The following ATXN7L3B variants were observed in gnomAD, a reference collection of about 807,000 sequenced individuals.
ATXN7L3B encodes ataxin-7-like protein 3B.
In ATXN7L3B, 4 loss-of-function variants were observed where a neutral mutation model predicts 6.3. The observed-to-expected ratio is 0.63, with a 90% confidence interval of 0.31 to 1.45. The LOEUF is 1.45. Ranked by LOEUF, ATXN7L3B falls within the 40% of genes most tolerant of loss-of-function variation. The probability of loss-of-function intolerance (pLI) is 0.07; values close to 1 mark genes in which losing one functional copy is unlikely to be tolerated. For synonymous variants in ATXN7L3B, 63 were observed against 48.0 expected (o/e 1.31, Z -1.29); for missense variants, 120 against 118.5 (o/e 1.01, Z -0.06).
rs1868926521 is a variant in ATXN7L3B, at chr12:74,542,654, C to T, written c.*4248C>T. The T allele has an allele frequency of 6.6e-6, 1 of 151,718 alleles. No homozygotes were observed. The highest frequency in any genetic ancestry group is 2.4e-5 in the African/African-American group (1 of 41,338). 9.4% of individuals were successfully genotyped at this position (151,718 alleles called of 1,614,324 possible). A position where few individuals can be genotyped will look rare whatever the true frequency, so the allele number is the denominator to read the frequency against. On this transcript the variant is annotated 3_prime_UTR_variant, in exon 1 of 1. Transcript: ENST00000519948. ...TTAACTACAGCATGTACCATCAGGT[C>T]AAGAATCTGATAAATGATTGCTTGA...
Position 74,539,327 on chromosome 12 carries a change from A to T in ATXN7L3B, c.*921A>T, listed in dbSNP as rs1868819849. 6.0e-6 allele frequency: 1 copy of T among 167,014 alleles called. No individual in the cohort carries two copies. The highest frequency in any genetic ancestry group is 6.6e-5 in the Admixed American group (1 of 15,256). The allele number at this position is 167,014 out of a possible 1,614,324, so 10.3% of individuals were successfully genotyped here. A position where few individuals can be genotyped will look rare whatever the true frequency, so the allele number is the denominator to read the frequency against. On this transcript the variant is annotated 3_prime_UTR_variant, in exon 1 of 1. Coordinates refer to ENST00000519948, the MANE Select transcript of ATXN7L3B (RefSeq NM_001136262.2). ...GTTACCTAGCCAGTCCATGGGTGTG[A>T]CTTGGTCCTTAAGTCAGGTCACTAT...
Position 74,539,237 on chromosome 12 carries a change from G to T in ATXN7L3B, c.*831G>T, listed in dbSNP as rs971304128. ...TGATTTCTCAAACTTCAAGATTCATGTCTGGATGTATTATGCTGTGGATAT... is the reference window on the plus strand; with the variant it reads ...TGATTTCTCAAACTTCAAGATTCATTTCTGGATGTATTATGCTGTGGATAT... On this transcript the variant is annotated 3_prime_UTR_variant, in exon 1 of 1. Transcript: ENST00000519948. The T allele has an allele frequency of 6.0e-6, 1 of 167,158 alleles. No homozygotes were observed. The highest frequency in any genetic ancestry group is 2.4e-5 in the African/African-American group (1 of 41,456). The allele number at this position is 167,158 out of a possible 1,614,324, so 10.4% of individuals were successfully genotyped here.
rs1868989307 is a variant in ATXN7L3B at position 74,545,073 on chromosome 12, C to A, written c.*6667C>A. 6.6e-6 allele frequency: 1 copy of A among 151,962 alleles called. No homozygotes were observed. The highest frequency in any genetic ancestry group is 2.4e-5 in the African/African-American group (1 of 41,416). 9.4% of individuals were successfully genotyped at this position (151,962 alleles called of 1,614,324 possible). On this transcript the variant is annotated 3_prime_UTR_variant, in exon 1 of 1. Coordinates refer to ENST00000519948, the MANE Select transcript of ATXN7L3B (RefSeq NM_001136262.2). ...TGGTGATGACATCAACTCTGAAAGG[C>A]ATATGGAGCAATTAAAACACTTAAA... is the stretch of plus-strand genomic sequence containing the variant.
In ATXN7L3B at chr12:74,541,497, T is replaced by C. The variant is rs1868898687; in HGVS notation, c.*3091T>C. The stretch of plus-strand genomic sequence containing the variant: ...TGTATATTCATCTTTTAAAGCTGTA[T>C]GTTTTCAGGCATTGACATAATGAGA... On this transcript the variant is annotated 3_prime_UTR_variant, in exon 1 of 1. Coordinates refer to ENST00000519948, the MANE Select transcript of ATXN7L3B (RefSeq NM_001136262.2). 1 of 162,876 alleles carries C rather than the reference T, an allele frequency of 6.1e-6. No homozygotes were observed. Among genetic ancestry groups the C allele is most frequent in the African/African-American group, 2.4e-5 (1 of 41,454 alleles). 10.1% of individuals were successfully genotyped at this position (162,876 alleles called of 1,614,324 possible).
Position 74,538,451 on chromosome 12 carries a change from T to C in ATXN7L3B, c.*45T>C. On this transcript the variant is annotated 3_prime_UTR_variant, in exon 1 of 1. Coordinates refer to ENST00000519948, the MANE Select transcript of ATXN7L3B (RefSeq NM_001136262.2). ...AAGTGGCCAGGACAATAACATAGAC[T>C]GGTCCTGTGGCTTCGAGGAGTAAGC... 1 of 1,484,704 alleles carries C rather than the reference T, an allele frequency of 6.7e-7. No individual in the cohort carries two copies. The highest frequency in any genetic ancestry group is 9.0e-7 in the Non-Finnish European group (1 of 1,107,126). 92.0% of individuals were successfully genotyped at this position (1,484,704 alleles called of 1,614,324 possible).
rs1247874134 is a variant in ATXN7L3B at position 74,540,106 on chromosome 12, T to C, written c.*1700T>C. On this transcript the variant is annotated 3_prime_UTR_variant, in exon 1 of 1. Coordinates refer to ENST00000519948, the MANE Select transcript of ATXN7L3B (RefSeq NM_001136262.2). ...TTTTTCTTTCTTTTTCCCTTGTTTT[T>C]GTAGAAGACTCAGAGGAGAATCTTT... 1 of 166,404 alleles carries C rather than the reference T, an allele frequency of 6.0e-6. No homozygotes were observed. Among genetic ancestry groups the C allele is most frequent in the Non-Finnish European group, 1.5e-5 (1 of 68,124 alleles). The allele number at this position is 166,404 out of a possible 1,614,324, so 10.3% of individuals were successfully genotyped here.
chr12:74,544,766 G>A lies in ATXN7L3B; in HGVS notation c.*6360G>A, dbSNP rs529379295. On this transcript the variant is annotated 3_prime_UTR_variant, in exon 1 of 1. Transcript: ENST00000519948. ...CAAAACATAGAGAAAAGATTGATGT[G>A]TTCGACCATAATAAAAATAGAACTT... The A allele has an allele frequency of 9.2e-5, 14 of 152,056 alleles. 1 individual carries two copies. In the South Asian group the frequency reaches 2.9e-3, roughly 31 times the overall value. 9.4% of individuals were successfully genotyped at this position (152,056 alleles called of 1,614,324 possible).
rs946563262 is a variant in ATXN7L3B, at chr12:74,541,793, A to G, written c.*3387A>G. 2.6e-5 allele frequency: 4 copies of G among 152,200 alleles called. No homozygotes were observed. Among genetic ancestry groups the G allele is most frequent in the Admixed American group, 2.6e-4 (4 of 15,280 alleles). The allele number at this position is 152,200 out of a possible 1,614,324, so 9.4% of individuals were successfully genotyped here. A position where few individuals can be genotyped will look rare whatever the true frequency, so the allele number is the denominator to read the frequency against. ...TATATCTTAGTAAGTACATTTTACC[A>G]TCATTTTAAGCTAATATCCTTGTTC... On this transcript the variant is annotated 3_prime_UTR_variant, in exon 1 of 1. Transcript: ENST00000519948.
chr12:74,538,555 G>C lies in ATXN7L3B; in HGVS notation c.*149G>C. 1.3e-6 allele frequency: 1 copy of C among 747,454 alleles called. No individual in the cohort carries two copies. Among genetic ancestry groups the C allele is most frequent in the Admixed American group, 2.9e-5 (1 of 34,054 alleles). The allele number at this position is 747,454 out of a possible 1,614,324, so 46.3% of individuals were successfully genotyped here. A position where few individuals can be genotyped will look rare whatever the true frequency, so the allele number is the denominator to read the frequency against. The stretch of plus-strand genomic sequence containing the variant: ...TCCTAGCATTTAAAAACCCAAAGTG[G>C]ATAATTTAGGAATCCTTTTTTTAAA... On this transcript the variant is annotated 3_prime_UTR_variant, in exon 1 of 1. Transcript: ENST00000519948.
Position 74,538,067 on chromosome 12 carries a change from C to T in ATXN7L3B, c.-46C>T. 1 of 1,530,476 alleles carries T rather than the reference C, an allele frequency of 6.5e-7. No individual in the cohort carries two copies. The highest frequency in any genetic ancestry group is 8.8e-7 in the Non-Finnish European group (1 of 1,133,298). 94.8% of individuals were successfully genotyped at this position (1,530,476 alleles called of 1,614,324 possible). A position where few individuals can be genotyped will look rare whatever the true frequency, so the allele number is the denominator to read the frequency against. On this transcript the variant is annotated 5_prime_UTR_variant, in exon 1 of 1. Coordinates refer to ENST00000519948, the MANE Select transcript of ATXN7L3B (RefSeq NM_001136262.2). ...GCCCGCGGAGCCAGACGTGTTGCTG[C>T]CGTGAGTAAAACGAGCGCCCTCTCC...
Position 74,538,394 on chromosome 12 carries a change from G to A in ATXN7L3B, c.282G>A (p.Pro94=). 6.4e-7 allele frequency: 1 copy of A among 1,550,914 alleles called. No homozygotes were observed. Among genetic ancestry groups the A allele is most frequent in the African/African-American group, 1.4e-5 (1 of 73,130 alleles). The change falls in exon 1 of 1, where the codon CCG becomes CCA. Residue 94 remains proline, a synonymous_variant. Transcript: ENST00000519948. ...GPDQQLQRSP[P]EFQ is the part of the protein sequence containing the mutation. ...ATCAGCAGCTGCAGCGCTCACCTCC[G>A]GAATTCCAGTAGCTGCAAAATGAGA...
rs375454926 is a variant in ATXN7L3B, at chr12:74,542,176, C to G, written c.*3770C>G. 3.3e-5 allele frequency: 5 copies of G among 152,244 alleles called. No individual in the cohort carries two copies. The highest frequency in any genetic ancestry group is 1.2e-4 in the African/African-American group (5 of 41,552). 9.4% of individuals were successfully genotyped at this position (152,244 alleles called of 1,614,324 possible). A position where few individuals can be genotyped will look rare whatever the true frequency, so the allele number is the denominator to read the frequency against. On this transcript the variant is annotated 3_prime_UTR_variant, in exon 1 of 1. Coordinates refer to ENST00000519948, the MANE Select transcript of ATXN7L3B (RefSeq NM_001136262.2). Reference sequence around the variant, plus strand: ...TTGAGTCTTCTCTTCTAGGAGCACTCGATGTACTTGTCACTGTCCAGTTTA... The same window carrying G: ...TTGAGTCTTCTCTTCTAGGAGCACTGGATGTACTTGTCACTGTCCAGTTTA...
Position 74,543,978 on chromosome 12 carries a change from C to A in ATXN7L3B, c.*5572C>A, listed in dbSNP as rs1003712804. On this transcript the variant is annotated 3_prime_UTR_variant, in exon 1 of 1. Transcript: ENST00000519948. ...TGTTCTAAGATGATATTTACATGAA[C>A]AATTTTATAGAATCTAGAAACAGTT... is the stretch of plus-strand genomic sequence containing the variant. The A allele has an allele frequency of 1.3e-5, 2 of 151,954 alleles. No homozygotes were observed. Among genetic ancestry groups the A allele is most frequent in the Non-Finnish European group, 2.9e-5 (2 of 67,844 alleles). 9.4% of individuals were successfully genotyped at this position (151,954 alleles called of 1,614,324 possible).
chr12:74,538,027 C>T lies in ATXN7L3B; in HGVS notation c.-86C>T. The T allele has an allele frequency of 1.4e-6, 2 of 1,394,520 alleles. No homozygotes were observed. The highest frequency in any genetic ancestry group is 2.0e-6 in the Non-Finnish European group (2 of 1,024,862). The allele number at this position is 1,394,520 out of a possible 1,614,324, so 86.4% of individuals were successfully genotyped here. ...CGGAGGACTGGGCACTGAAAGGCCT[C>T]TAGGCCTAGGCGCGGCCCGCGGAGC... On this transcript the variant is annotated 5_prime_UTR_variant, in exon 1 of 1. Transcript: ENST00000519948.
At position 74,538,245 on chromosome 12, in the gene ATXN7L3B, T is replaced by A. The variant is rs1868772313; in HGVS notation, c.133T>A (p.Tyr45Asn). 2 of 1,597,730 alleles carry A rather than the reference T, an allele frequency of 1.3e-6. No homozygotes were observed. The highest frequency in any genetic ancestry group is 1.7e-6 in the Non-Finnish European group (2 of 1,171,856). Reference sequence around the variant, plus strand: ...GGTGCACCGGGCAGTCAAGTGTGGCTACTTCTACCTGGAGTTCGCAGAGAC... The same window carrying A: ...GGTGCACCGGGCAGTCAAGTGTGGCAACTTCTACCTGGAGTTCGCAGAGAC... ...FEVHRAVKCG[Y>N]FYLEFAETGS... Residue 45 changes from tyrosine (Y) to asparagine (N), a missense_variant, in exon 1 of 1, where the codon TAC becomes AAC. Coordinates refer to ENST00000519948, the MANE Select transcript of ATXN7L3B (RefSeq NM_001136262.2).
At position 74,544,163 on chromosome 12, in the gene ATXN7L3B, T is replaced by G. The variant is rs2136591300; in HGVS notation, c.*5757T>G. On this transcript the variant is annotated 3_prime_UTR_variant, in exon 1 of 1. Coordinates refer to ENST00000519948, the MANE Select transcript of ATXN7L3B (RefSeq NM_001136262.2). ...AAGTGTTATTAAATTTAGAATGTAATTCAACAAGTTATAACAGTCCTATGA... is the reference window on the plus strand; with the variant it reads ...AAGTGTTATTAAATTTAGAATGTAAGTCAACAAGTTATAACAGTCCTATGA... The G allele has an allele frequency of 6.6e-6, 1 of 152,140 alleles. No individual in the cohort carries two copies. The highest frequency in any genetic ancestry group is 2.4e-5 in the African/African-American group (1 of 41,574). The allele number at this position is 152,140 out of a possible 1,614,324, so 9.4% of individuals were successfully genotyped here.
In ATXN7L3B at chr12:74,539,675, A is replaced by C. The variant is rs1868831661; in HGVS notation, c.*1269A>C. 6.0e-6 allele frequency: 1 copy of C among 167,104 alleles called. No individual in the cohort carries two copies. Among genetic ancestry groups the C allele is most frequent in the Admixed American group, 6.5e-5 (1 of 15,278 alleles). 10.4% of individuals were successfully genotyped at this position (167,104 alleles called of 1,614,324 possible). A position where few individuals can be genotyped will look rare whatever the true frequency, so the allele number is the denominator to read the frequency against. On this transcript the variant is annotated 3_prime_UTR_variant, in exon 1 of 1. Transcript: ENST00000519948. ...TTTGGATCTTCTTGACAACAGGAGC[A>C]GTCCTTTTATTGTTAGAAGTCAGAG... is the stretch of plus-strand genomic sequence containing the variant.
At position 74,541,882 on chromosome 12, in the gene ATXN7L3B, A is replaced by C. The variant is rs1565676735; in HGVS notation, c.*3476A>C. ...CCTAATTTTTTTCTCAATACTTAAAAAATTACCTCAACACTTTAGATCTTT... is the reference window on the plus strand; with the variant it reads ...CCTAATTTTTTTCTCAATACTTAAACAATTACCTCAACACTTTAGATCTTT... On this transcript the variant is annotated 3_prime_UTR_variant, in exon 1 of 1. Coordinates refer to ENST00000519948, the MANE Select transcript of ATXN7L3B (RefSeq NM_001136262.2). 6.6e-6 allele frequency: 1 copy of C among 152,176 alleles called. No homozygotes were observed. The highest frequency in any genetic ancestry group is 1.9e-4 in the East Asian group (1 of 5,194). The allele number at this position is 152,176 out of a possible 1,614,324, so 9.4% of individuals were successfully genotyped here.
chr12:74,543,241 C>A lies in ATXN7L3B; in HGVS notation c.*4835C>A, dbSNP rs1868941243. The A allele has an allele frequency of 6.6e-6, 1 of 151,906 alleles. No individual in the cohort carries two copies. Among genetic ancestry groups the A allele is most frequent in the African/African-American group, 2.4e-5 (1 of 41,362 alleles). 9.4% of individuals were successfully genotyped at this position (151,906 alleles called of 1,614,324 possible). A position where few individuals can be genotyped will look rare whatever the true frequency, so the allele number is the denominator to read the frequency against. On this transcript the variant is annotated 3_prime_UTR_variant, in exon 1 of 1. Transcript: ENST00000519948. ...AAAAATCTTCAGCAGCAGTGACTTG[C>A]CCATAGTTCAAAAAGCAAAAATTTA...
Sources: allele counts gnomAD v4.1 joint callset, GRCh38; gene constraint gnomAD v4.1.1; transcripts MANE v1.5; gene names NCBI Gene and HGNC (gene_info 2026-07-23, HGNC 2026-07-21).